RELN: variants seen among roughly 807,000 people sequenced by gnomAD.
The protein encoded by RELN is reelin.
A neutral mutation model predicts 427.6 loss-of-function variants in RELN; 108 were observed. That is an observed-to-expected ratio of 0.25 (90% CI 0.22 to 0.30). RELN has a LOEUF of 0.30. Among genes scored for constraint, RELN ranks in the 10% least tolerant of loss-of-function variants. The probability of loss-of-function intolerance (pLI) is 1.00; values close to 1 mark genes in which losing one functional copy is unlikely to be tolerated. For synonymous variants in RELN, 1,524 were observed against 1,513.4 expected (o/e 1.01, Z -0.16); for missense variants, 3,715 against 4,302.8 (o/e 0.86, Z 3.82).
chr7:103,664,793 G>A (rs1289325749), intron 11 of RELN, among the ~76,000 whole-genome samples: 5 of 152,014 alleles, frequency 3.3e-5, no homozygotes, highest in Non-Finnish European at 1.5e-5. Context: ...GCCTATTTAT[G>A]TCCATTTTGT....
At chr7:103,895,856 T>C (rs564638805) in intron 2 of RELN, among the ~76,000 whole-genome samples, 14 of 151,858 alleles carry the variant, frequency 9.2e-5, no homozygotes, top group African/African-American at 3.4e-4. Context: ...TTAGAATTTA[T>C]CAAAATAAAC....
At chr7:103,746,764 A>G (rs967032363) in intron 6 of RELN, among the ~76,000 whole-genome samples, 9 of 151,164 alleles carry the variant, frequency 6.0e-5, no homozygotes, top group African/African-American at 2.2e-4. Flanking sequence ...TCAGGAAACA[A>G]CAGGTGCTGG....
chr7:103,753,077 A>T, intron 5 of RELN, 105 bp downstream of exon 5: 1 of 1,115,664 alleles, frequency 9.0e-7, no homozygotes, highest in South Asian at 1.2e-5. Flanking sequence ...CAATGATCAG[A>T]GAGGACAGCT....
At chr7:103,529,049 T>A (rs1486032315) in intron 46 of RELN, among the ~76,000 whole-genome samples, 2 of 151,428 alleles carry the variant, frequency 1.3e-5, no homozygotes, top group African/African-American at 4.9e-5. Flanking sequence ...GGCAGGAGAA[T>A]CGCTTGAACC....
chr7:103,762,437 A>G (rs1005502786), intron 4 of RELN, among the ~76,000 whole-genome samples: 3 of 152,184 alleles, frequency 2.0e-5, no homozygotes, highest in South Asian at 2.1e-4. Flanking sequence ...TTAATTTCCC[A>G]TGGGTGAGGA....
At chr7:103,525,566 ACTAAATTTAT>A (rs1217748915) in intron 46 of RELN, among the ~76,000 whole-genome samples, 1 of 152,208 alleles carries the variant, frequency 6.6e-6, no homozygotes, top group African/African-American at 2.4e-5. Context: ...ATTTTTAATG[ACTAAATTTAT>A]CTAAATTTAT....
At position 103,630,061 on chromosome 7, in the gene RELN, T is replaced by C; in HGVS notation, c.2581A>G (p.Met861Val). 3 of 1,613,346 alleles carry C rather than the reference T, an allele frequency of 1.9e-6. No homozygotes were observed. The highest frequency in any genetic ancestry group is 1.3e-5 in the African/African-American group (1 of 75,018). The change falls in exon 20 of 65, where the codon ATG (methionine) becomes GTG (valine). Residue 861 changes from methionine to valine, a missense_variant. By Grantham distance (21) the Met-to-Val change is conservative. This residue lies in a region of RELN where 2,208 missense variants were observed against 2,361.7 expected (regional missense o/e 0.93). Coordinates refer to ENST00000428762, the MANE Select transcript of RELN (RefSeq NM_005045.4). ...ATGCTGTTGAAAAGCACAGATGTCA[T>C]GATAATCTCATCAATAGCCCATACA... ...EDVWAIDEII[M>V]TSVLFNSISL...
chr7:103,987,074 C>CAAAA lies in RELN; in HGVS notation c.226+2053_226+2056dup, dbSNP rs67498168. Among the ~76,000 whole-genome samples the CAAAA allele has an allele frequency of 7.4e-3, 880 of 119,034 alleles. 48 individuals carry two copies. Among genetic ancestry groups the CAAAA allele is most frequent in the African/African-American group, 0.021 (688 of 32,850 alleles). 78.1% of individuals were successfully genotyped at this position (119,034 alleles called of 152,430 possible). A position where few individuals can be genotyped will look rare whatever the true frequency, so the allele number is the denominator to read the frequency against. The stretch of plus-strand genomic sequence containing the variant: ...TGTATTCTACCTGTAGAACATTTTA[C>CAAAA]AAAAAAAAAAAAAAAAACTCTTACT... On this transcript the variant is annotated intron_variant, in intron 1 of 64. Coordinates refer to ENST00000428762, the MANE Select transcript of RELN (RefSeq NM_005045.4).
chr7:103,505,890 A>C (rs1829192938), intron 51 of RELN, among the ~76,000 whole-genome samples: 1 of 152,234 alleles, frequency 6.6e-6, no homozygotes, highest in South Asian at 2.1e-4. Flanking sequence ...TTAGAGAAGA[A>C]TATAAATGAC....
chr7:103,849,555 C>T (rs1793767332), intron 2 of RELN, among the ~76,000 whole-genome samples: 1 of 152,176 alleles, frequency 6.6e-6, no homozygotes, highest in Non-Finnish European at 1.5e-5. Flanking sequence ...GTATCCCCTA[C>T]CTACATCTCT....
intron 31 of RELN, among the ~76,000 whole-genome samples, chr7:103,568,295 A>G (rs1001810788): frequency 2.0e-5 from 3 of 152,348 alleles, no homozygotes; most frequent in Non-Finnish European, 2.9e-5. Flanking sequence ...TTGTCACTAC[A>G]TCTGACAAAG....
At chr7:103,552,501 C>CTTT (rs35546410) in intron 40 of RELN, among the ~76,000 whole-genome samples, 7 of 119,348 alleles carry the variant, frequency 5.9e-5, no homozygotes, top group Non-Finnish European at 8.6e-5. Context: ...TTCCTGAATT[C>CTTT]TTTTTTTTTT....
At chr7:103,760,229 G>A (rs1288483659) in intron 4 of RELN, among the ~76,000 whole-genome samples, 2 of 150,626 alleles carry the variant, frequency 1.3e-5, no homozygotes, top group Non-Finnish European at 1.5e-5. Context: ...AGTTTGTCCA[G>A]GAGACAAATC....
chr7:103,542,231 A>G (rs362755), intron 43 of RELN, among the ~76,000 whole-genome samples: 5,781 of 152,290 alleles, frequency 0.038, 342 homozygotes, highest in African/African-American at 0.13. Context: ...AGATGCTTAT[A>G]AAGAATAAGG....
intron 1 of RELN, among the ~76,000 whole-genome samples, chr7:103,939,924 C>T (rs1796073806): frequency 6.6e-6 from 1 of 152,142 alleles, no homozygotes; most frequent in African/African-American, 2.4e-5. Context: ...TGTTTAAAAG[C>T]ATATTTATAC....
chr7:103,581,466 A>T (rs544611815), intron 28 of RELN, among the ~76,000 whole-genome samples: 2 of 152,160 alleles, frequency 1.3e-5, no homozygotes, highest in Admixed American at 6.5e-5. Flanking sequence ...TAATACAACC[A>T]GGGACTTGGT....
At chr7:103,738,709 AG>A (rs1387743694) in intron 6 of RELN, among the ~76,000 whole-genome samples, 1 of 101,498 alleles carries the variant, frequency 9.9e-6, no homozygotes, top group Admixed American at 1.5e-4. Context: ...TTTGAGACAG[AG>A]GCTCACTCTG....
intron 2 of RELN, among the ~76,000 whole-genome samples, chr7:103,881,984 GAATC>G (rs1191384369): frequency 3.9e-5 from 6 of 152,078 alleles, no homozygotes; most frequent in Non-Finnish European, 7.4e-5. Context: ...ATGAATGAAT[GAATC>G]AATCAATCAG....
chr7:103,959,465 T>G (rs1406772972), intron 1 of RELN, among the ~76,000 whole-genome samples: 1 of 152,164 alleles, frequency 6.6e-6, no homozygotes, highest in Non-Finnish European at 1.5e-5. Context: ...TCTCTCAAAC[T>G]TAACATGTTC....
Sources: gnomAD v4.1 joint callset for allele counts (sites outside exome capture counted in the v4.1 genomes callset) on GRCh38, gnomAD v4.1.1 for gene constraint, gnomAD v4.1.1 regional missense constraint, MANE v1.5 for transcripts, NCBI Gene and HGNC (gene_info 2026-07-23, HGNC 2026-07-21) for gene names.